CLDN16: variants seen among roughly 807,000 people sequenced by gnomAD.
The protein encoded by CLDN16 is claudin-16.
A neutral mutation model predicts 24.6 loss-of-function variants in CLDN16; 13 were observed. That is an observed-to-expected ratio of 0.53 (90% confidence interval 0.34 to 0.84). The LOEUF (loss-of-function observed/expected upper bound fraction) is 0.84. Ranked by LOEUF, CLDN16 falls within the 40% of genes least tolerant of loss-of-function variation. The pLI is 0.01. For missense variants in CLDN16, 298 were observed against 292.7 expected, an observed-to-expected ratio of 1.02 and a Z score of -0.13; for synonymous variants, 116 against 106.7, an observed-to-expected ratio of 1.09 and a Z score of -0.54.
intron 1 of CLDN16, among the ~76,000 whole-genome samples, chr3:190,333,958 T>G (rs1469181140): frequency 6.6e-6 from 1 of 152,060 alleles, no homozygotes; most frequent in Non-Finnish European, 1.5e-5. Context: ...TATTATGGAA[T>G]CAGGGTAGAG....
chr3:190,322,166 G>T, upstream of CLDN16: 1 of 1,614,160 alleles, frequency 6.2e-7, no homozygotes, highest in Non-Finnish European at 8.5e-7. Context: ...TCCCAGGAAG[G>T]CGAGAATGAA....
upstream of CLDN16, among the ~76,000 whole-genome samples, chr3:190,321,539 T>G (rs1702395458): frequency 6.6e-6 from 1 of 152,220 alleles, no homozygotes; most frequent in African/African-American, 2.4e-5. Context: ...TATCTAATAC[T>G]TGAGGATTAT....
intron 1 of CLDN16, among the ~76,000 whole-genome samples, chr3:190,346,679 T>C (rs562945109): frequency 6.6e-6 from 1 of 152,300 alleles, no homozygotes; most frequent in East Asian, 1.9e-4. Context: ...AGTAAGGTCA[T>C]AGGCTTTGTC....
chr3:190,316,467 C>T, the CLDN16 span, among the ~76,000 whole-genome samples: 10 of 152,306 alleles, frequency 6.6e-5, no homozygotes, highest in African/African-American at 2.2e-4. Context: ...CACGAAAACT[C>T]ACAAGCAAGG....
At position 190,408,433 on chromosome 3, in the gene CLDN16, C is replaced by T. The variant is rs543523352; in HGVS notation, c.502C>T (p.Leu168Phe). The T allele has an allele frequency of 6.2e-7, 1 of 1,614,022 alleles. No homozygotes were observed. The highest frequency in any genetic ancestry group is 1.1e-5 in the South Asian group (1 of 91,066). Residue 168 changes from leucine to phenylalanine, a missense_variant, in exon 4 of 5, where the codon CTC (leucine) becomes TTC (phenylalanine). By Grantham distance (22) the Leu-to-Phe change is conservative (BLOSUM62 0). Coordinates refer to ENST00000264734, the MANE Select transcript of CLDN16 (RefSeq NM_006580.4). ...IQYKFGWSCW[L>F]GMAGSLGCFL... ...ATATAAATTTGGTTGGTCCTGTTGGCTCGGAATGGCTGGGTCTCTGGGTTG... is the reference window on the plus strand; with the variant it reads ...ATATAAATTTGGTTGGTCCTGTTGGTTCGGAATGGCTGGGTCTCTGGGTTG...
At chr3:190,367,206 A>C (rs1284409352) in intron 1 of CLDN16, among the ~76,000 whole-genome samples, 1 of 151,936 alleles carries the variant, frequency 6.6e-6, no homozygotes, top group Non-Finnish European at 1.5e-5. Context: ...GTCTACTCTG[A>C]TAACTCCGAA....
At chr3:190,409,247 T>TATGCATGTATATATGCACACACGC (rs1560100164) in intron 4 of CLDN16, among the ~76,000 whole-genome samples, 30 of 151,774 alleles carry the variant, frequency 2.0e-4, no homozygotes, top group African/African-American at 5.6e-4. Context: ...TGCACACACG[T>TATGCATGTATATATGCACACACGC]ATATGCATGT....
chr3:190,333,446 A>G (rs767330868), intron 1 of CLDN16, among the ~76,000 whole-genome samples: 10 of 152,276 alleles, frequency 6.6e-5, no homozygotes, highest in Admixed American at 3.9e-4. Flanking sequence ...CTCAAAAACT[A>G]TGGATAAAAT....
chr3:190,373,689 G>C (rs143937849), intron 2 of CLDN16, among the ~76,000 whole-genome samples: 255 of 151,978 alleles, frequency 1.7e-3, no homozygotes, highest in African/African-American at 5.9e-3. Flanking sequence ...AGCTCTTAGA[G>C]AACAGGTGTC....
intron 1 of CLDN16, among the ~76,000 whole-genome samples, chr3:190,392,008 G>T (rs1718689712): frequency 6.9e-6 from 1 of 145,582 alleles, no homozygotes; most frequent in Non-Finnish European, 1.5e-5. Context: ...CTTTGGCTCA[G>T]TTTTTTCAAT....
At chr3:190,374,590 T>G (rs1371659538) in exon 3 of CLDN16, 1 of 151,882 alleles carries the variant, frequency 6.6e-6, no homozygotes, top group Non-Finnish European at 1.5e-5. Context: ...ATCTAACACA[T>G]ACAGCATGTG....
chr3:190,364,688 C>T (rs1717980171), intron 1 of CLDN16, among the ~76,000 whole-genome samples: 1 of 151,914 alleles, frequency 6.6e-6, no homozygotes, highest in African/African-American at 2.4e-5. Context: ...GCCTGCACTG[C>T]AGTCTAGAAC....
chr3:190,292,375 TG>T, the CLDN16 span, among the ~76,000 whole-genome samples: 1 of 152,128 alleles, frequency 6.6e-6, no homozygotes, highest in Non-Finnish European at 1.5e-5. Flanking sequence ...CTGGAATGCA[TG>T]GCATCAAGTT....
chr3:190,308,614 T>C, the CLDN16 span, among the ~76,000 whole-genome samples: 4 of 152,186 alleles, frequency 2.6e-5, no homozygotes, highest in South Asian at 6.2e-4. Flanking sequence ...AATGTTTATA[T>C]TGCAATTGGT....
chr3:190,326,489 G>A (rs566479475), intron 1 of CLDN16, among the ~76,000 whole-genome samples: 2 of 152,276 alleles, frequency 1.3e-5, no homozygotes, highest in East Asian at 1.9e-4. Flanking sequence ...CAAGCCTTGC[G>A]ATGTTTTCCC....
At chr3:190,300,102 C>T in the CLDN16 span, among the ~76,000 whole-genome samples, 1 of 152,070 alleles carries the variant, frequency 6.6e-6, no homozygotes, top group Non-Finnish European at 1.5e-5. Flanking sequence ...TTTCATGTGA[C>T]ATTCAGGAGG....
chr3:190,342,570 A>T (rs1401435696), intron 1 of CLDN16, among the ~76,000 whole-genome samples: 1 of 152,258 alleles, frequency 6.6e-6, no homozygotes, highest in Non-Finnish European at 1.5e-5. Flanking sequence ...TGAAAAGGAT[A>T]CAAAGCTATA....
chr3:190,332,181 G>A (rs1717194610), intron 1 of CLDN16, among the ~76,000 whole-genome samples: 1 of 152,072 alleles, frequency 6.6e-6, no homozygotes, highest in South Asian at 2.1e-4. Flanking sequence ...GGCAGAGGGA[G>A]GTTATTATTC....
At chr3:190,295,222 A>T in the CLDN16 span, among the ~76,000 whole-genome samples, 15 of 152,144 alleles carry the variant, frequency 9.9e-5, no homozygotes, top group Non-Finnish European at 2.2e-4. Context: ...GTACACAATG[A>T]TACACAGAAA....
Sources: gnomAD v4.1 joint callset for allele counts (sites outside exome capture counted in the v4.1 genomes callset) on GRCh38, gnomAD v4.1.1 for gene constraint, MANE v1.5 for transcripts, NCBI Gene and HGNC (gene_info 2026-07-23, HGNC 2026-07-21) for gene names.